Variants in RANBP17 observed in about 807,000 individuals in gnomAD.
The protein encoded by RANBP17 is ran-binding protein 17.
A neutral mutation model predicts 141.2 loss-of-function variants in RANBP17; 158 were observed. The observed-to-expected ratio is 1.12, with a 90% confidence interval of 0.98 to 1.28. The LOEUF (loss-of-function observed/expected upper bound fraction) is 1.28, where lower values mean the gene tolerates loss of function less well. Ranked by LOEUF, RANBP17 falls within the 50% of genes most tolerant of loss-of-function variation. The probability of loss-of-function intolerance (pLI) is 0.00; values close to 1 mark genes in which losing one functional copy is unlikely to be tolerated. For missense variants in RANBP17, 1,438 were observed against 1,290.7 expected (o/e 1.11, Z -1.75); for synonymous variants, 430 against 450.0 (o/e 0.96, Z 0.56).
At chr5:170,902,017 A>C (rs1770686502) in intron 5 of RANBP17, among the ~76,000 whole-genome samples, 1 of 152,104 alleles carries the variant, frequency 6.6e-6, no homozygotes, top group Non-Finnish European at 1.5e-5. Context: ...GCTCTTCTCT[A>C]GGAGTATCTT....
intron 16 of RANBP17, among the ~76,000 whole-genome samples, chr5:171,174,119 T>C (rs964522309): frequency 1.3e-5 from 2 of 152,184 alleles, no homozygotes; most frequent in Non-Finnish European, 2.9e-5. Flanking sequence ...TAAAATCCAG[T>C]GACCTTTTTG....
chr5:171,043,129 G>T (rs2127638447), intron 14 of RANBP17, among the ~76,000 whole-genome samples: 1 of 152,188 alleles, frequency 6.6e-6, no homozygotes, highest in East Asian at 1.9e-4. Flanking sequence ...GATATTCCTT[G>T]AATTACTTTT....
intron 14 of RANBP17, among the ~76,000 whole-genome samples, chr5:171,092,730 C>T (rs1427976987): frequency 6.6e-6 from 1 of 152,164 alleles, no homozygotes; most frequent in Non-Finnish European, 1.5e-5. Context: ...CTGATGAAGT[C>T]CTTCCAGCTT....
chr5:171,259,545 AG>A, intron 24 of RANBP17, among the ~76,000 whole-genome samples: 2 of 152,384 alleles, frequency 1.3e-5, no homozygotes, highest in East Asian at 3.9e-4. Context: ...CCATAAAAAA[AG>A]AATGAAATAA....
chr5:170,960,593 C>T (rs1328992655), intron 13 of RANBP17, among the ~76,000 whole-genome samples: 2 of 152,176 alleles, frequency 1.3e-5, no homozygotes, highest in Non-Finnish European at 2.9e-5. Context: ...GTTAGTCCAC[C>T]TATCCTATCT....
intron 12 of RANBP17, among the ~76,000 whole-genome samples, chr5:170,950,313 G>C (rs2127491355): frequency 6.6e-6 from 1 of 151,956 alleles, no homozygotes; most frequent in African/African-American, 2.4e-5. Context: ...TGTTGAATGG[G>C]AGAAAATATT....
At chr5:171,154,609 A>G (rs2127840760) in intron 14 of RANBP17, among the ~76,000 whole-genome samples, 1 of 152,354 alleles carries the variant, frequency 6.6e-6, no homozygotes, top group East Asian at 1.9e-4. Context: ...TGAATGAAAT[A>G]GCATTTAATA....
chr5:171,075,792 A>G (rs1024706997), intron 14 of RANBP17, among the ~76,000 whole-genome samples: 1 of 152,120 alleles, frequency 6.6e-6, no homozygotes, highest in Non-Finnish European at 1.5e-5. Context: ...GTCTCTGCTA[A>G]AAATACAAAA....
At chr5:171,184,956 AG>A (rs1761134064) in intron 18 of RANBP17, among the ~76,000 whole-genome samples, 1 of 152,128 alleles carries the variant, frequency 6.6e-6, no homozygotes, top group South Asian at 2.1e-4. Context: ...TGAGGTCAGG[AG>A]TTCGAGACCA....
intron 14 of RANBP17, among the ~76,000 whole-genome samples, chr5:171,153,855 C>G (rs561717695): frequency 1.3e-5 from 2 of 152,088 alleles, no homozygotes; most frequent in African/African-American, 2.4e-5. Context: ...TGGAGAAACC[C>G]CATCTCTACT....
chr5:170,964,164 A>T (rs1776350857), intron 13 of RANBP17, among the ~76,000 whole-genome samples: 1 of 152,142 alleles, frequency 6.6e-6, no homozygotes. Context: ...TATGGAGTGC[A>T]CTTTGGTAAT....
At chr5:170,870,038 A>G (rs1239830882) in intron 1 of RANBP17, among the ~76,000 whole-genome samples, 1 of 152,144 alleles carries the variant, frequency 6.6e-6, no homozygotes, top group African/African-American at 2.4e-5. Flanking sequence ...GTCTACTTCA[A>G]AGAATCTTAG....
At chr5:170,908,516 G>T (rs756802922) in intron 5 of RANBP17, among the ~76,000 whole-genome samples, 4 of 151,144 alleles carry the variant, frequency 2.6e-5, no homozygotes, top group Non-Finnish European at 5.9e-5. Flanking sequence ...CTACTAGATA[G>T]GGGAGAGATA....
intron 14 of RANBP17, among the ~76,000 whole-genome samples, chr5:171,144,866 T>A (rs564216609): frequency 6.6e-6 from 1 of 152,348 alleles, no homozygotes; most frequent in Non-Finnish European, 1.5e-5. Flanking sequence ...GAACTGAGAA[T>A]GGGAAGGACA....
intron 14 of RANBP17, among the ~76,000 whole-genome samples, chr5:170,999,885 C>T (rs913741437): frequency 6.6e-6 from 1 of 152,104 alleles, no homozygotes; most frequent in Non-Finnish European, 1.5e-5. Context: ...ACACTATACC[C>T]ATTAAACAAT....
intron 14 of RANBP17, among the ~76,000 whole-genome samples, chr5:171,076,221 CTT>C (rs1402439146): frequency 6.6e-6 from 1 of 152,092 alleles, no homozygotes; most frequent in Non-Finnish European, 1.5e-5. Flanking sequence ...AAAAAGCTGA[CTT>C]ATTCTAAGAT....
intron 14 of RANBP17, among the ~76,000 whole-genome samples, chr5:171,164,239 A>AT (rs1759526559): frequency 6.6e-6 from 1 of 152,160 alleles, no homozygotes; most frequent in Admixed American, 6.5e-5. Flanking sequence ...AAATTTAAAG[A>AT]TTGACATAAT....
At chr5:170,913,604 A>G (rs1477287342) in intron 7 of RANBP17, among the ~76,000 whole-genome samples, 1 of 152,036 alleles carries the variant, frequency 6.6e-6, no homozygotes, top group Non-Finnish European at 1.5e-5. Flanking sequence ...ATAATAGTGG[A>G]TGGGTTTTTG....
chr5:170,962,470 T>C (rs938399720), intron 13 of RANBP17, among the ~76,000 whole-genome samples: 2 of 152,140 alleles, frequency 1.3e-5, no homozygotes, highest in Non-Finnish European at 2.9e-5. Context: ...AGAACTTGAG[T>C]AGGAGAAGGG....
Sources: gnomAD v4.1 joint callset for allele counts (sites outside exome capture counted in the v4.1 genomes callset) on GRCh38, gnomAD v4.1.1 for gene constraint, MANE v1.5 for transcripts, NCBI Gene and HGNC (gene_info 2026-07-23, HGNC 2026-07-21) for gene names.